SOCS5: variants seen among roughly 807,000 people sequenced by gnomAD.
SOCS5 encodes suppressor of cytokine signaling 5, also known as CIS-6.
SOCS5 carries 32 observed loss-of-function variants against 42.8 expected under a neutral mutation model. The observed-to-expected ratio is 0.75, with a 90% confidence interval of 0.56 to 1.01. The LOEUF (loss-of-function observed/expected upper bound fraction) is 1.01. SOCS5 is among the 50% of genes least tolerant of loss of function. The probability of loss-of-function intolerance (pLI) is 0.00; values close to 1 mark genes in which losing one functional copy is unlikely to be tolerated. For missense variants in SOCS5, 627 were observed against 653.0 expected (o/e 0.96, Z 0.43); for synonymous variants, 283 against 229.6 (o/e 1.23, Z -2.10).
At chr2:46,733,188 G>A (rs758089650) in intron 1 of SOCS5, among the ~76,000 whole-genome samples, 29 of 152,060 alleles carry the variant, frequency 1.9e-4, no homozygotes, top group Non-Finnish European at 3.2e-4. Flanking sequence ...TCCGCCTCCC[G>A]GGTTCAAGTG....
Position 46,762,646 on chromosome 2 carries a change from A to C in SOCS5, c.*2505A>C, listed in dbSNP as rs1160814797. ...AGTGGCTTACATTTTAAAAAAGAAA[A>C]ATCACCAGCATGAACTTGCACCTAA... On this transcript the variant is annotated 3_prime_UTR_variant, in exon 2 of 2. Coordinates refer to ENST00000394861, the MANE Select transcript of SOCS5 (RefSeq NM_144949.3). 2.4e-5 allele frequency: 4 copies of C among 165,874 alleles called. No homozygotes were observed. In the South Asian group the frequency reaches 6.2e-4, roughly 26 times the overall value. The allele number at this position is 165,874 out of a possible 1,614,324, so 10.3% of individuals were successfully genotyped here.
chr2:46,717,858 T>C (rs1672784358), intron 1 of SOCS5, among the ~76,000 whole-genome samples: 2 of 152,124 alleles, frequency 1.3e-5, no homozygotes, highest in Admixed American at 6.6e-5. Context: ...GGTAGTTGTT[T>C]GGTTCATACT....
chr2:46,709,377 A>C (rs1020072514), intron 1 of SOCS5, among the ~76,000 whole-genome samples: 1 of 152,222 alleles, frequency 6.6e-6, no homozygotes, highest in African/African-American at 2.4e-5. Flanking sequence ...GAGGTGTCCA[A>C]TTTCAGTAAA....
chr2:46,712,035 A>G (rs963315405), intron 1 of SOCS5, among the ~76,000 whole-genome samples: 1 of 152,090 alleles, frequency 6.6e-6, no homozygotes, highest in Non-Finnish European at 1.5e-5. Flanking sequence ...ATTTTTCAAG[A>G]TTGTTTAGAC....
chr2:46,721,175 A>G (rs72802438), intron 1 of SOCS5, among the ~76,000 whole-genome samples: 5,463 of 152,154 alleles, frequency 0.036, 159 homozygotes, highest in Non-Finnish European at 0.051. Flanking sequence ...TTTCTCTTCC[A>G]TGGAAGAGAT....
Position 46,759,697 on chromosome 2 carries a change from T to C in SOCS5, c.1167T>C (p.Tyr389=), listed in dbSNP as rs939337192. 2.5e-6 allele frequency: 4 copies of C among 1,614,152 alleles called. No homozygotes were observed. The highest frequency in any genetic ancestry group is 2.2e-5 in the East Asian group (1 of 44,876). Residue 389 remains tyrosine, a synonymous_variant, in exon 2 of 2, where the codon TAT becomes TAC. Coordinates refer to ENST00000394861, the MANE Select transcript of SOCS5 (RefSeq NM_144949.3). ...NPCYWGVMDR[Y]EAEALLEGKP... Reference sequence around the variant, plus strand: ...GTTACTGGGGAGTGATGGACCGTTATGAAGCAGAAGCCCTTCTCGAAGGGA... The same window carrying C: ...GTTACTGGGGAGTGATGGACCGTTACGAAGCAGAAGCCCTTCTCGAAGGGA...
intron 1 of SOCS5, among the ~76,000 whole-genome samples, chr2:46,703,123 TGTAGAG>T (rs1480959975): frequency 6.6e-6 from 1 of 152,246 alleles, no homozygotes; most frequent in African/African-American, 2.4e-5. Flanking sequence ...TGCCCTTATT[TGTAGAG>T]TTTCATTGAA....
At chr2:46,711,906 T>A (rs1672631170) in intron 1 of SOCS5, among the ~76,000 whole-genome samples, 1 of 152,248 alleles carries the variant, frequency 6.6e-6, no homozygotes. Flanking sequence ...TAAGTGTGGA[T>A]CTGTCTCTAA....
chr2:46,759,874 C>T lies in SOCS5; in HGVS notation c.1344C>T (p.His448=). Residue 448 remains histidine (H), a synonymous_variant, in exon 2 of 2, where the codon CAC becomes CAT. Transcript: ENST00000394861. ...SFDAHDPCVF[H]SSTVTGLLEH... ...ACGCCCATGACCCGTGTGTATTTCACTCCTCCACTGTAACGGGACTTTTAG... is the reference window on the plus strand; with the variant it reads ...ACGCCCATGACCCGTGTGTATTTCATTCCTCCACTGTAACGGGACTTTTAG... 1 of 1,614,174 alleles carries T rather than the reference C, an allele frequency of 6.2e-7. No homozygotes were observed. The highest frequency in any genetic ancestry group is 2.2e-5 in the East Asian group (1 of 44,886).
At chr2:46,734,842 C>T (rs916704276) in intron 1 of SOCS5, among the ~76,000 whole-genome samples, 3 of 152,134 alleles carry the variant, frequency 2.0e-5, no homozygotes, top group Non-Finnish European at 4.4e-5. Context: ...GCATGGAAGA[C>T]GCTTGAGAGT....
In SOCS5 at chr2:46,753,333, C is replaced by G. The variant is rs1673664966; in HGVS notation, c.-12-5186C>G. 2.0e-5 allele frequency among the ~76,000 whole-genome samples: 3 copies of G among 152,176 alleles called. No homozygotes were observed. The South Asian group carries it at 6.2e-4, about 31-fold the overall frequency. ...CTTTAGGACTTTGTTACTTGCTACT[C>G]AATCCTGGTACTACTACAAATTTTA... On this transcript the variant is annotated intron_variant, in intron 1 of 1. Coordinates refer to ENST00000394861, the MANE Select transcript of SOCS5 (RefSeq NM_144949.3).
At chr2:46,717,516 C>T (rs560147913) in intron 1 of SOCS5, among the ~76,000 whole-genome samples, 15 of 152,142 alleles carry the variant, frequency 9.9e-5, no homozygotes, top group South Asian at 6.2e-4. Context: ...TAAACAATTT[C>T]GGGTTAACGG....
In SOCS5 at chr2:46,758,499, T is replaced by G; in HGVS notation, c.-12-20T>G. ...TACTTTGATTAATTTATTTTTCTCTTTTTGCTGTTTTGTCTTTAGATTTTA... is the reference window on the plus strand; with the variant it reads ...TACTTTGATTAATTTATTTTTCTCTGTTTGCTGTTTTGTCTTTAGATTTTA... On this transcript the variant is annotated intron_variant, in intron 1 of 1. Transcript: ENST00000394861. The G allele has an allele frequency of 6.6e-7, 1 of 1,512,960 alleles. No individual in the cohort carries two copies. Among genetic ancestry groups the G allele is most frequent in the Non-Finnish European group, 9.0e-7 (1 of 1,116,016 alleles). 93.7% of individuals were successfully genotyped at this position (1,512,960 alleles called of 1,614,324 possible).
chr2:46,717,269 T>G (rs1216568013), intron 1 of SOCS5, among the ~76,000 whole-genome samples: 2 of 152,226 alleles, frequency 1.3e-5, no homozygotes, highest in Non-Finnish European at 2.9e-5. Flanking sequence ...TTCCTCTCCC[T>G]GTGTTTTGGT....
chr2:46,717,923 C>T (rs986812242), intron 1 of SOCS5, among the ~76,000 whole-genome samples: 1 of 152,168 alleles, frequency 6.6e-6, no homozygotes, highest in Non-Finnish European at 1.5e-5. Flanking sequence ...TGGAGTATTG[C>T]GTGCACATGT....
chr2:46,711,504 A>G (rs1335520031), intron 1 of SOCS5, among the ~76,000 whole-genome samples: 2 of 152,204 alleles, frequency 1.3e-5, no homozygotes, highest in African/African-American at 4.8e-5. Flanking sequence ...GGATTTGTAT[A>G]TTAATTGGAT....
chr2:46,712,656 A>G (rs1262648901), intron 1 of SOCS5, among the ~76,000 whole-genome samples: 1 of 152,140 alleles, frequency 6.6e-6, no homozygotes, highest in Non-Finnish European at 1.5e-5. Context: ...CAGCTTTCTT[A>G]AAAAATGAGT....
intron 1 of SOCS5, among the ~76,000 whole-genome samples, chr2:46,717,872 T>C (rs767710375): frequency 1.3e-5 from 2 of 152,120 alleles, no homozygotes; most frequent in Non-Finnish European, 2.9e-5. Context: ...TCATACTGTT[T>C]AGTTGCTCTT....
At chr2:46,754,724 T>G (rs1173295625) in intron 1 of SOCS5, among the ~76,000 whole-genome samples, 1 of 152,176 alleles carries the variant, frequency 6.6e-6, no homozygotes, top group Non-Finnish European at 1.5e-5. Flanking sequence ...AACCTAATAT[T>G]AAATAACAGT....
Sources: gnomAD v4.1 joint callset for allele counts (sites outside exome capture counted in the v4.1 genomes callset) on GRCh38, gnomAD v4.1.1 for gene constraint, MANE v1.5 for transcripts, NCBI Gene and HGNC (gene_info 2026-07-23, HGNC 2026-07-21) for gene names.